CELF4: variants seen among roughly 807,000 people sequenced by gnomAD.
The protein encoded by CELF4 is CUGBP Elav-like family member 4, also known as CUG-BP- and ETR-3-like factor 4.
A neutral mutation model predicts 59.9 loss-of-function variants in CELF4; 18 were observed. The observed-to-expected ratio is 0.30, with a 90% CI of 0.21 to 0.45. The LOEUF is 0.45. CELF4 is among the 20% of genes least tolerant of loss of function. The pLI, the probability that CELF4 is intolerant of heterozygous loss-of-function variation, is 1.00. For missense variants in CELF4, 456 were observed against 689.0 expected, an observed-to-expected ratio of 0.66 and a Z score of 3.79; for synonymous variants, 261 against 267.1, an observed-to-expected ratio of 0.98 and a Z score of 0.22.
At chr18:37,487,326 G>A (rs533537746) in intron 1 of CELF4, among the ~76,000 whole-genome samples, 1 of 152,330 alleles carries the variant, frequency 6.6e-6, no homozygotes, top group South Asian at 2.1e-4. Flanking sequence ...GATGAAAGAA[G>A]GAAACAGGGA....
intron 2 of CELF4, among the ~76,000 whole-genome samples, chr18:37,354,684 TGGGTGCACTCTG>T (rs2098532281): frequency 1.3e-5 from 2 of 152,034 alleles, no homozygotes; most frequent in South Asian, 4.2e-4. Context: ...GCAGGAGAGG[TGGGTGCACTCTG>T]GGGTGAGCAG....
Position 37,253,818 on chromosome 18 carries a change from G to A in CELF4, c.1454C>T (p.Pro485Leu). The stretch of plus-strand genomic sequence containing the variant: ...GGACGCTCCCGCCGGCGCTCAGTAC[G>A]GGCGATTGGCGTCTTTGGGCCGCTT... ...QLKRPKDANRPY is the reference protein window; with the variant it reads ...QLKRPKDANRLY Residue 485 changes from proline to leucine, a missense_variant, in exon 12 of 13, where the codon CCG (proline) becomes CTG (leucine). Coordinates refer to ENST00000420428, the MANE Select transcript of CELF4 (RefSeq NM_020180.4). The surrounding 1 kb of genome is among the most constrained non-coding windows in gnomAD (Gnocchi z 4.5). 1 of 1,603,348 alleles carries A rather than the reference G, an allele frequency of 6.2e-7. No individual in the cohort carries two copies. The highest frequency in any genetic ancestry group is 8.5e-7 in the Non-Finnish European group (1 of 1,175,310).
chr18:37,529,588 T>A (rs371462306), intron 1 of CELF4, among the ~76,000 whole-genome samples: 2 of 151,368 alleles, frequency 1.3e-5, no homozygotes, highest in African/African-American at 4.8e-5. Context: ...GGGGAGAGAG[T>A]CTGCTGCCTG....
intron 3 of CELF4, among the ~76,000 whole-genome samples, chr18:37,292,187 T>A (rs1297981183): frequency 6.6e-6 from 1 of 152,114 alleles, no homozygotes; most frequent in Non-Finnish European, 1.5e-5. Context: ...TTATTGTTGA[T>A]AAGCTACCTG....
chr18:37,407,233 C>T (rs936787125), intron 2 of CELF4, among the ~76,000 whole-genome samples: 1 of 152,096 alleles, frequency 6.6e-6, no homozygotes, highest in African/African-American at 2.4e-5. Context: ...GGAAACTCTC[C>T]GAAAACATTG....
intron 3 of CELF4, among the ~76,000 whole-genome samples, chr18:37,294,632 C>A (rs912445809): frequency 3.3e-5 from 5 of 152,222 alleles, no homozygotes; most frequent in Non-Finnish European, 5.9e-5. Flanking sequence ...GATCGCCAGC[C>A]TGCTAATTTT....
intron 2 of CELF4, among the ~76,000 whole-genome samples, chr18:37,420,819 A>G (rs1557346): frequency 0.65 from 98,905 of 152,072 alleles, 33,196 homozygotes; most frequent in South Asian, 0.83. Context: ...CTGCCTTCCC[A>G]TGGATCAGAG....
chr18:37,271,705 C>G (rs1249153252), intron 7 of CELF4, among the ~76,000 whole-genome samples: 1 of 152,206 alleles, frequency 6.6e-6, no homozygotes, highest in African/African-American at 2.4e-5. Flanking sequence ...TTCTCTCGTA[C>G]TGAGGCAGAG....
intron 2 of CELF4, among the ~76,000 whole-genome samples, chr18:37,442,628 G>T: frequency 6.6e-6 from 1 of 152,160 alleles, no homozygotes; most frequent in Admixed American, 6.5e-5. Context: ...TCCCGGGAAG[G>T]TTGCTTTCAG....
intron 3 of CELF4, among the ~76,000 whole-genome samples, chr18:37,301,709 G>T (rs1190986135): frequency 6.6e-6 from 1 of 152,120 alleles, no homozygotes; most frequent in African/African-American, 2.4e-5. Context: ...CCTGCTGGGA[G>T]CGTGAAGGCT....
At chr18:37,288,216 G>A (rs1372792980) in intron 3 of CELF4, among the ~76,000 whole-genome samples, 3 of 152,212 alleles carry the variant, frequency 2.0e-5, no homozygotes, top group Non-Finnish European at 2.9e-5. Context: ...AGGCTGAAAT[G>A]ACCTCTCAAG....
intron 1 of CELF4, among the ~76,000 whole-genome samples, chr18:37,558,249 G>A (rs1189079407): frequency 6.6e-6 from 1 of 151,966 alleles, no homozygotes; most frequent in Admixed American, 6.6e-5. Flanking sequence ...TGTTCCTGTG[G>A]GTAGGGCTGT....
chr18:37,481,452 T>A (rs144050872), intron 2 of CELF4, among the ~76,000 whole-genome samples: 50 of 152,284 alleles, frequency 3.3e-4, no homozygotes, highest in African/African-American at 1.2e-3. Flanking sequence ...AGACCCTGTA[T>A]TCCCAACCTT....
chr18:37,390,582 G>T (rs2099148395), intron 2 of CELF4, among the ~76,000 whole-genome samples: 1 of 152,080 alleles, frequency 6.6e-6, no homozygotes, highest in South Asian at 2.1e-4. Context: ...GGGTGGAGGG[G>T]GCTTGGCAAC....
intron 1 of CELF4, among the ~76,000 whole-genome samples, chr18:37,488,274 C>T (rs1255587262): frequency 1.3e-5 from 2 of 152,168 alleles, no homozygotes; most frequent in Admixed American, 1.3e-4. Flanking sequence ...ACCCATCACT[C>T]CCTGACAGAG....
Position 37,259,278 on chromosome 18 carries a change from AG to A in CELF4, c.1250-15del. 1 of 151,022 alleles carries A rather than the reference AG, an allele frequency of 6.6e-6. No individual in the cohort carries two copies. Among genetic ancestry groups the A allele is most frequent in the Non-Finnish European group, 1.3e-5 (1 of 78,030 alleles). The allele number at this position is 151,022 out of a possible 1,614,324, so 9.4% of individuals were successfully genotyped here. ...AGCCCTCGGGCCCTGCGGTGAGGGG[AG>A]GGGGTGGGCGGGGGAGGAGGGATGG... On this transcript the variant is annotated splice_polypyrimidine_tract_variant and intron_variant, in intron 10 of 12. Transcript: ENST00000420428.
At chr18:37,342,233 G>GCACACACACACACA (rs56845978) in intron 2 of CELF4, among the ~76,000 whole-genome samples, 15 of 146,154 alleles carry the variant, frequency 1.0e-4, no homozygotes, top group African/African-American at 3.8e-4. Flanking sequence ...AACAGCACAT[G>GCACACACACACACA]CACACACACA....
chr18:37,414,504 T>TTTC (rs146883360), intron 2 of CELF4, among the ~76,000 whole-genome samples: 40 of 1,806 alleles, frequency 0.022, no homozygotes, highest in South Asian at 0.25. Context: ...TTTTCTTTTC[T>TTTC]TTTTTTTTTT....
chr18:37,511,930 C>T (rs545409725), intron 1 of CELF4, among the ~76,000 whole-genome samples: 2 of 151,860 alleles, frequency 1.3e-5, no homozygotes, highest in African/African-American at 2.4e-5. Context: ...GCAGAGTCAG[C>T]GGCTGGGGCT....
Sources: gnomAD v4.1 joint callset for allele counts (sites outside exome capture counted in the v4.1 genomes callset) on GRCh38, gnomAD v4.1.1 for gene constraint, Gnocchi (gnomAD v3.1) non-coding constraint, MANE v1.5 for transcripts, NCBI Gene and HGNC (gene_info 2026-07-23, HGNC 2026-07-21) for gene names.